Variants in COL24A1 observed in about 807,000 individuals in gnomAD.
COL24A1 encodes collagen type XXIV alpha 1 chain.
COL24A1 carries 224 observed loss-of-function variants against 253.9 expected under a neutral mutation model. That is an observed-to-expected ratio of 0.88 (90% CI 0.79 to 0.99). The LOEUF (loss-of-function observed/expected upper bound fraction) is 0.99. Ranked by LOEUF, COL24A1 falls within the 50% of genes least tolerant of loss-of-function variation. The pLI, the probability that COL24A1 is intolerant of heterozygous loss-of-function variation, is 0.00. For synonymous variants in COL24A1, 685 were observed against 673.7 expected (o/e 1.02, Z -0.26); for missense variants, 2,131 against 2,068.5 (o/e 1.03, Z -0.59).
chr1:85,964,767 T>C (rs1187878724), intron 23 of COL24A1, among the ~76,000 whole-genome samples: 1 of 151,958 alleles, frequency 6.6e-6, no homozygotes, highest in Admixed American at 6.6e-5. Flanking sequence ...TATTTAAAAC[T>C]CCAAAAAAAT....
intron 7 of COL24A1, among the ~76,000 whole-genome samples, chr1:86,079,274 C>G (rs1284952519): frequency 6.6e-6 from 1 of 152,126 alleles, no homozygotes; most frequent in Non-Finnish European, 1.5e-5. Context: ...AACTTGATCC[C>G]TATCTCTTGC....
At chr1:86,122,886 C>T (rs188301801) in intron 3 of COL24A1, among the ~76,000 whole-genome samples, 103 of 152,076 alleles carry the variant, frequency 6.8e-4, no homozygotes, top group Admixed American at 5.7e-3. Context: ...CTACAAAATT[C>T]CCCTTTGAGA....
chr1:85,996,756 CAA>C (rs1167890143), intron 19 of COL24A1, among the ~76,000 whole-genome samples: 6 of 152,024 alleles, frequency 3.9e-5, no homozygotes, highest in Non-Finnish European at 8.8e-5. Context: ...AGAAAACAAA[CAA>C]AAAGATTCCT....
intron 24 of COL24A1, among the ~76,000 whole-genome samples, chr1:85,926,308 A>G (rs1290712967): frequency 6.6e-6 from 1 of 152,250 alleles, no homozygotes; most frequent in Non-Finnish European, 1.5e-5. Context: ...CATTTGACCC[A>G]GCAATCCCAT....
chr1:85,863,184 T>C (rs1679361617), intron 37 of COL24A1, among the ~76,000 whole-genome samples: 1 of 152,236 alleles, frequency 6.6e-6, no homozygotes, highest in South Asian at 2.1e-4. Context: ...GAGACTTTGC[T>C]GAAGTTGCTT....
chr1:85,945,018 T>TTG (rs1689168791), intron 24 of COL24A1, among the ~76,000 whole-genome samples: 2 of 86,838 alleles, frequency 2.3e-5, no homozygotes, highest in Admixed American at 1.4e-4. Context: ...TTTTTTTTTT[T>TTG]TTTTTTTTTT....
chr1:85,941,523 G>A (rs1688754918), intron 24 of COL24A1, among the ~76,000 whole-genome samples: 2 of 152,080 alleles, frequency 1.3e-5, no homozygotes, highest in African/African-American at 4.8e-5. Flanking sequence ...CATATTTTTA[G>A]CTCTAAAACT....
intron 16 of COL24A1, 120 bp from the exon 17 acceptor site, chr1:86,022,711 T>A: frequency 7.8e-7 from 1 of 1,275,264 alleles, no homozygotes; most frequent in Non-Finnish European, 1.1e-6. Context: ...TGAGGAAAAC[T>A]AATATAATTG....
intron 19 of COL24A1, among the ~76,000 whole-genome samples, chr1:85,992,627 A>C (rs186900466): frequency 2.9e-3 from 449 of 152,310 alleles, no homozygotes; most frequent in African/African-American, 0.01. Context: ...ATTAGAGTCC[A>C]TACTTTTCAT....
At chr1:86,080,396 T>C (rs1010340140) in intron 7 of COL24A1, among the ~76,000 whole-genome samples, 15 of 152,230 alleles carry the variant, frequency 9.9e-5, no homozygotes, top group African/African-American at 3.4e-4. Flanking sequence ...CTATAGTAAA[T>C]AATAATTTAA....
At chr1:85,941,063 G>C (rs750169204) in intron 24 of COL24A1, among the ~76,000 whole-genome samples, 3 of 152,172 alleles carry the variant, frequency 2.0e-5, no homozygotes, top group Non-Finnish European at 4.4e-5. Context: ...TGAGAAATAA[G>C]AGGAATTCTC....
At chr1:86,033,095 T>A (rs1459050880) in intron 13 of COL24A1, among the ~76,000 whole-genome samples, 1 of 152,166 alleles carries the variant, frequency 6.6e-6, no homozygotes, top group African/African-American at 2.4e-5. Context: ...ACAAATGCAG[T>A]CTTGGCTGAA....
intron 24 of COL24A1, among the ~76,000 whole-genome samples, chr1:85,922,331 C>A (rs181069349): frequency 6.0e-4 from 91 of 152,268 alleles, no homozygotes; most frequent in African/African-American, 2.1e-3. Flanking sequence ...CACAAAGATA[C>A]TCCTTGAGAA....
chr1:85,879,842 A>G (rs1317153452), intron 32 of COL24A1, among the ~76,000 whole-genome samples: 1 of 152,090 alleles, frequency 6.6e-6, no homozygotes, highest in Non-Finnish European at 1.5e-5. Flanking sequence ...AAATCCACAA[A>G]TAAGAGGACC....
chr1:86,024,259 C>T (rs1002916895), intron 14 of COL24A1, among the ~76,000 whole-genome samples: 2 of 152,130 alleles, frequency 1.3e-5, no homozygotes, highest in African/African-American at 2.4e-5. Flanking sequence ...CTACTTAGTA[C>T]ATGGCACTGT....
At chr1:85,812,167 T>C (rs1184997359) in intron 47 of COL24A1, among the ~76,000 whole-genome samples, 2 of 152,238 alleles carry the variant, frequency 1.3e-5, no homozygotes, top group Non-Finnish European at 2.9e-5. Context: ...TAAAATTGAA[T>C]GTATACCGCA....
chr1:85,888,106 C>T (rs576683588), intron 32 of COL24A1, among the ~76,000 whole-genome samples: 30 of 151,932 alleles, frequency 2.0e-4, no homozygotes, highest in African/African-American at 7.2e-4. Context: ...AAGAATTATA[C>T]TTCACATACA....
At chr1:85,784,465 C>A (rs975919471) in intron 48 of COL24A1, 99 bp from the exon 49 acceptor site, 1 of 795,330 alleles carries the variant, frequency 1.3e-6, no homozygotes, top group Non-Finnish European at 2.1e-6. Context: ...TAGGCCCATT[C>A]CATAAATACA....
chr1:85,867,781 G>A (rs1403252456), intron 37 of COL24A1, among the ~76,000 whole-genome samples: 1 of 152,122 alleles, frequency 6.6e-6, no homozygotes, highest in Non-Finnish European at 1.5e-5. Context: ...GTCTCACTCT[G>A]TCTCCCAGGC....
Sources: gnomAD v4.1 joint callset for allele counts (sites outside exome capture counted in the v4.1 genomes callset) on GRCh38, gnomAD v4.1.1 for gene constraint, MANE v1.5 for transcripts, NCBI Gene and HGNC (gene_info 2026-07-23, HGNC 2026-07-21) for gene names.